Variants in KLF15 observed in about 807,000 individuals in gnomAD.
KLF15 encodes the protein KLF transcription factor 15, also known as Krueppel-like factor 15.
Under a neutral mutation model 24.6 loss-of-function variants are expected in KLF15, and 4 were observed. That is an observed-to-expected ratio of 0.16 (90% CI 0.08 to 0.37). KLF15 has a LOEUF of 0.37. Among genes scored for constraint, KLF15 ranks in the 10% least tolerant of loss-of-function variants. The pLI is 1.00. For missense variants in KLF15, 496 were observed against 560.6 expected, an observed-to-expected ratio of 0.88 and a Z score of 1.16; for synonymous variants, 246 against 236.3, an observed-to-expected ratio of 1.04 and a Z score of -0.37.
chr3:126,305,746 C>A, the KLF15 span, among the ~76,000 whole-genome samples: 11 of 152,148 alleles, frequency 7.2e-5, no homozygotes, highest in Non-Finnish European at 1.5e-4. Flanking sequence ...ATCTGCCCCA[C>A]ACAGTAGGGA....
the KLF15 span, among the ~76,000 whole-genome samples, chr3:126,312,901 T>C: frequency 6.6e-6 from 1 of 152,146 alleles, no homozygotes; most frequent in Non-Finnish European, 1.5e-5. Flanking sequence ...CCCGCTCATG[T>C]TCACGTGGCA....
At chr3:126,328,672 A>T in the KLF15 span, among the ~76,000 whole-genome samples, 1 of 152,322 alleles carries the variant, frequency 6.6e-6, no homozygotes, top group Non-Finnish European at 1.5e-5. Context: ...TCCAAAAAAA[A>T]ATTGTACTAC....
At chr3:126,341,538 G>A (rs993238520), downstream of KLF15, among the ~76,000 whole-genome samples, 4 of 152,112 alleles carry the variant, frequency 2.6e-5, no homozygotes, top group African/African-American at 4.8e-5. Flanking sequence ...GGGTACATCC[G>A]GTCAGGGGCA....
At chr3:126,299,071 C>T in the KLF15 span, among the ~76,000 whole-genome samples, 1 of 152,118 alleles carries the variant, frequency 6.6e-6, no homozygotes, top group African/African-American at 2.4e-5. Flanking sequence ...TAGTCATTTT[C>T]ACAATATTGA....
chr3:126,320,875 G>A, the KLF15 span, among the ~76,000 whole-genome samples: 5 of 152,140 alleles, frequency 3.3e-5, no homozygotes, highest in South Asian at 8.3e-4. Context: ...GCCTGATTTA[G>A]CAGGGGAAGG....
At chr3:126,313,550 GGGCCCT>G in the KLF15 span, among the ~76,000 whole-genome samples, 1 of 152,158 alleles carries the variant, frequency 6.6e-6, no homozygotes, top group Non-Finnish European at 1.5e-5. Context: ...TAGTGTTTCT[GGGCCCT>G]GGCCCTGGCA....
rs2082595345 is a variant in KLF15, at chr3:126,352,696, A to T, written c.227T>A (p.Ile76Asn). 2 of 1,591,092 alleles carry T rather than the reference A, an allele frequency of 1.3e-6. No homozygotes were observed. Among genetic ancestry groups the T allele is most frequent in the Non-Finnish European group, 1.7e-6 (2 of 1,169,190 alleles). The change falls in exon 2 of 3, where the codon ATC becomes AAC. Residue 76 changes from isoleucine (I) to asparagine (N), a missense_variant. By Grantham distance (149) the Ile-to-Asn change is moderately radical (BLOSUM62 -3). Coordinates refer to ENST00000296233, the MANE Select transcript of KLF15 (RefSeq NM_014079.4). ...GGCCTGGGACAATAGGAAGTCCAAGATGCTGTCCTGGCTCTCGGTGCCCAG... is the reference window on the plus strand; with the variant it reads ...GGCCTGGGACAATAGGAAGTCCAAGTTGCTGTCCTGGCTCTCGGTGCCCAG... ...GGLGTESQDS[I>N]LDFLLSQATL...
chr3:126,320,811 T>C, the KLF15 span, among the ~76,000 whole-genome samples: 8 of 151,858 alleles, frequency 5.3e-5, no homozygotes, highest in Admixed American at 2.0e-4. Context: ...GGAGGATCAC[T>C]AGTAAAATCT....
the KLF15 span, among the ~76,000 whole-genome samples, chr3:126,294,934 T>G: frequency 4.0e-5 from 6 of 151,558 alleles, no homozygotes; most frequent in Non-Finnish European, 8.8e-5. Context: ...CATGTGCATG[T>G]CCATGCATGC....
At chr3:126,316,464 C>CGGAGTGGGGAAGGGAGTGCACAGGCA in the KLF15 span, among the ~76,000 whole-genome samples, 1 of 145,784 alleles carries the variant, frequency 6.9e-6, no homozygotes, top group Admixed American at 6.8e-5. Context: ...GTCTATGGGC[C>CGGAGTGGGGAAGGGAGTGCACAGGCA]GGAGTGGGGA....
the KLF15 span, among the ~76,000 whole-genome samples, chr3:126,299,494 A>T: frequency 6.6e-6 from 1 of 152,080 alleles, no homozygotes; most frequent in Non-Finnish European, 1.5e-5. Flanking sequence ...TCACGCCTGT[A>T]ATCCCAGCAC....
chr3:126,297,013 A>G, the KLF15 span, among the ~76,000 whole-genome samples: 1 of 152,148 alleles, frequency 6.6e-6, no homozygotes, highest in Non-Finnish European at 1.5e-5. Context: ...GGCTGAAGCA[A>G]TCCTCCCACC....
At chr3:126,343,979 C>T (rs3732542) in intron 2 of KLF15, 84 bp from the exon 3 acceptor site, 3 of 1,389,380 alleles carry the variant, frequency 2.2e-6, no homozygotes, top group Admixed American at 2.8e-5. Context: ...GGATGCAAGG[C>T]GTGCACCTGG....
the KLF15 span, among the ~76,000 whole-genome samples, chr3:126,298,346 G>T: frequency 6.7e-6 from 1 of 150,318 alleles, no homozygotes. Flanking sequence ...GCAGATTCTG[G>T]ATATTAGTCC....
the KLF15 span, among the ~76,000 whole-genome samples, chr3:126,302,885 A>G: frequency 6.6e-6 from 1 of 152,126 alleles, no homozygotes; most frequent in East Asian, 1.9e-4. Context: ...TGTCATGACC[A>G]TTTGCATTGA....
chr3:126,290,084 C>T, the KLF15 span, among the ~76,000 whole-genome samples: 1 of 152,054 alleles, frequency 6.6e-6, no homozygotes, highest in African/African-American at 2.4e-5. Flanking sequence ...TTATCTGTCT[C>T]TATCTGCTTA....
the KLF15 span, among the ~76,000 whole-genome samples, chr3:126,300,190 C>T: frequency 2.6e-5 from 4 of 152,122 alleles, no homozygotes; most frequent in Admixed American, 2.6e-4. Flanking sequence ...GACATTAGAG[C>T]AGGGTGGTAC....
chr3:126,320,388 A>G, the KLF15 span, among the ~76,000 whole-genome samples: 1 of 152,236 alleles, frequency 6.6e-6, no homozygotes, highest in Non-Finnish European at 1.5e-5. Context: ...AGGCTGTCAT[A>G]TGCTTCTCAT....
the KLF15 span, among the ~76,000 whole-genome samples, chr3:126,304,307 T>C: frequency 3.3e-5 from 5 of 152,224 alleles, no homozygotes; most frequent in South Asian, 2.1e-4. Flanking sequence ...CTCTAATAAA[T>C]CTGAAAGACA....
Sources: allele counts gnomAD v4.1 joint callset (sites outside exome capture counted in the v4.1 genomes callset), GRCh38; gene constraint gnomAD v4.1.1; transcripts MANE v1.5; gene names NCBI Gene and HGNC (gene_info 2026-07-23, HGNC 2026-07-21).